RAD51: variants seen among roughly 807,000 people sequenced by gnomAD.
RAD51 encodes the protein RAD51 recombinase, also known as DNA repair protein RAD51 homolog 1.
Under a neutral mutation model 41.5 loss-of-function variants are expected in RAD51, and 14 were observed. The ratio of observed to expected loss-of-function variants is 0.34; its 90% CI spans 0.22 to 0.53. The LOEUF (loss-of-function observed/expected upper bound fraction) is 0.53. Among genes scored for constraint, RAD51 ranks in the 20% least tolerant of loss-of-function variants. The pLI is 0.95. For synonymous variants in RAD51, 136 were observed against 148.6 expected (o/e 0.92, Z 0.62); for missense variants, 234 against 422.0 (o/e 0.55, Z 3.90).
chr15:40,716,144 C>T (rs7177265), intron 5 of RAD51, among the ~76,000 whole-genome samples: 97,829 of 152,090 alleles, frequency 0.64, 32,070 homozygotes, highest in East Asian at 0.93. Context: ...CAGAGTGTAC[C>T]GTGCTAAACG....
Position 40,718,846 on chromosome 15 carries a change from C to T in RAD51, c.477C>T (p.Tyr159=). Reference sequence around the variant, plus strand: ...GTGGAGGTGAAGGAAAGGCCATGTACATTGACACTGAGGGTACCTTTAGGC... The same window carrying T: ...GTGGAGGTGAAGGAAAGGCCATGTATATTGACACTGAGGGTACCTTTAGGC... ...DRGGGEGKAM[Y]IDTEGTFRPE... Residue 159 remains tyrosine, a synonymous_variant, in exon 6 of 10, where the codon TAC becomes TAT. Coordinates refer to ENST00000267868, the MANE Select transcript of RAD51 (RefSeq NM_002875.5). 1 of 1,613,590 alleles carries T rather than the reference C, an allele frequency of 6.2e-7. No homozygotes were observed. Among genetic ancestry groups the T allele is most frequent in the Non-Finnish European group, 8.5e-7 (1 of 1,179,650 alleles).
intron 7 of RAD51, among the ~76,000 whole-genome samples, chr15:40,729,039 G>A (rs1469479091): frequency 6.6e-6 from 1 of 152,078 alleles, no homozygotes; most frequent in Non-Finnish European, 1.5e-5. Context: ...TTGTTAAACG[G>A]TGCCTCAGAT....
chr15:40,712,450 C>A (rs1278118160), intron 5 of RAD51, among the ~76,000 whole-genome samples: 1 of 152,114 alleles, frequency 6.6e-6, no homozygotes, highest in African/African-American at 2.4e-5. Context: ...AACGAAAGAT[C>A]CATGAGAAAG....
chr15:40,710,110 C>T (rs1053206651), intron 5 of RAD51, among the ~76,000 whole-genome samples: 4 of 151,578 alleles, frequency 2.6e-5, no homozygotes, highest in Admixed American at 6.6e-5. Flanking sequence ...GGCGTGGTGG[C>T]GGGTGCCTGT....
intron 5 of RAD51, among the ~76,000 whole-genome samples, chr15:40,710,501 C>CAAAAAAAAAAAAAA (rs747933816): frequency 8.2e-5 from 4 of 48,746 alleles, no homozygotes; most frequent in East Asian, 5.9e-4. Flanking sequence ...GACTCTGTCT[C>CAAAAAAAAAAAAAA]AAAAAAAAAA....
intron 5 of RAD51, among the ~76,000 whole-genome samples, chr15:40,712,629 C>T (rs1464660252): frequency 6.6e-6 from 1 of 152,114 alleles, no homozygotes; most frequent in Non-Finnish European, 1.5e-5. Flanking sequence ...TGAACCTGGC[C>T]CATGCCCATG....
At chr15:40,702,558 G>C (rs372696577) in intron 3 of RAD51, among the ~76,000 whole-genome samples, 1 of 152,158 alleles carries the variant, frequency 6.6e-6, no homozygotes, top group East Asian at 1.9e-4. Context: ...TGTCACCCAG[G>C]CTGGAGCACA....
At chr15:40,708,205 A>T (rs536602114) in intron 4 of RAD51, among the ~76,000 whole-genome samples, 134 of 144,998 alleles carry the variant, frequency 9.2e-4, no homozygotes, top group African/African-American at 3.4e-3. Context: ...TTTAGTAGAG[A>T]CAGGGTTTCA....
intron 5 of RAD51, among the ~76,000 whole-genome samples, 195 bp from the exon 6 acceptor site, chr15:40,718,610 G>A (rs531490058): frequency 6.6e-6 from 1 of 152,132 alleles, no homozygotes; most frequent in East Asian, 1.9e-4. Flanking sequence ...TATGTACTGA[G>A]ACACAATCAG....
intron 6 of RAD51, among the ~76,000 whole-genome samples, chr15:40,725,291 C>T (rs1896525421): frequency 6.6e-6 from 1 of 152,160 alleles, no homozygotes; most frequent in South Asian, 2.1e-4. Context: ...CTCGGCCTCC[C>T]AAAGTGCTGA....
intron 6 of RAD51, among the ~76,000 whole-genome samples, chr15:40,724,889 A>ATTTTTTTTTT (rs34086110): frequency 4.5e-3 from 251 of 55,372 alleles, no homozygotes; most frequent in Non-Finnish European, 5.5e-3. Context: ...ATTTTTTTTA[A>ATTTTTTTTTT]TTTTTTTTTT....
chr15:40,696,868 G>A (rs1192276713), intron 1 of RAD51, among the ~76,000 whole-genome samples: 1 of 152,126 alleles, frequency 6.6e-6, no homozygotes, highest in Non-Finnish European at 1.5e-5. Flanking sequence ...TTGGACATCT[G>A]TTCATATGTT....
chr15:40,719,503 C>A (rs576267259), intron 6 of RAD51, among the ~76,000 whole-genome samples: 2 of 152,116 alleles, frequency 1.3e-5, no homozygotes, highest in African/African-American at 4.8e-5. Flanking sequence ...AGAGACACTG[C>A]GTGGCTATAC....
rs1894553114 is a variant in RAD51, at chr15:40,695,423, G to T, written c.-5G>T. The T allele has an allele frequency of 6.6e-6, 1 of 152,394 alleles. No homozygotes were observed. Among genetic ancestry groups the T allele is most frequent in the Admixed American group, 6.5e-5 (1 of 15,270 alleles). The allele number at this position is 152,394 out of a possible 1,614,324, so 9.4% of individuals were successfully genotyped here. A position where few individuals can be genotyped will look rare whatever the true frequency, so the allele number is the denominator to read the frequency against. On this transcript the variant is annotated splice_region_variant and 5_prime_UTR_variant, in exon 1 of 10. Coordinates refer to ENST00000267868, the MANE Select transcript of RAD51 (RefSeq NM_002875.5). ...GCTGGAGAGAGGAGCGCTGCGGACC[G>T]AGGTGAGTGTGTGAGGCGCAGGCTG... is the stretch of plus-strand genomic sequence containing the variant.
intron 6 of RAD51, among the ~76,000 whole-genome samples, chr15:40,725,188 C>T (rs1358868350): frequency 2.6e-5 from 4 of 151,984 alleles, no homozygotes; most frequent in Non-Finnish European, 5.9e-5. Context: ...CGTGAGCCAC[C>T]GTGCCTGGCC....
Position 40,731,549 on chromosome 15 carries a change from C to G in RAD51, c.*371C>G, listed in dbSNP as rs548261898. 1.1e-4 allele frequency: 36 copies of G among 330,146 alleles called. No homozygotes were observed. In the East Asian group the frequency reaches 1.6e-3, roughly 15 times the overall value. The allele number at this position is 330,146 out of a possible 1,614,324, so 20.5% of individuals were successfully genotyped here. ...GAGAGACCTGACCCTTCTCTCACTT[C>G]TAAATTAATGGTAAAATAAAATGCC... On this transcript the variant is annotated 3_prime_UTR_variant, in exon 10 of 10. Coordinates refer to ENST00000267868, the MANE Select transcript of RAD51 (RefSeq NM_002875.5).
intron 6 of RAD51, among the ~76,000 whole-genome samples, chr15:40,725,584 C>G (rs961271626): frequency 6.6e-6 from 1 of 152,176 alleles, no homozygotes; most frequent in African/African-American, 2.4e-5. Flanking sequence ...GTCCCCAGAA[C>G]AGCAGCATTA....
chr15:40,707,838 C>T (rs1895449451), intron 4 of RAD51, among the ~76,000 whole-genome samples: 1 of 152,028 alleles, frequency 6.6e-6, no homozygotes, highest in Non-Finnish European at 1.5e-5. Flanking sequence ...CTGCCTCAGT[C>T]TCCTGAGTAG....
chr15:40,697,797 C>T (rs974020842), intron 1 of RAD51, among the ~76,000 whole-genome samples: 4 of 151,928 alleles, frequency 2.6e-5, no homozygotes, highest in Admixed American at 6.6e-5. Flanking sequence ...GTGATCCACC[C>T]GCCTTGGCCT....
Sources: gnomAD v4.1 joint callset for allele counts (sites outside exome capture counted in the v4.1 genomes callset) on GRCh38, gnomAD v4.1.1 for gene constraint, MANE v1.5 for transcripts, NCBI Gene and HGNC (gene_info 2026-07-23, HGNC 2026-07-21) for gene names.